The following SAMD5 variants were observed in gnomAD, a reference collection of about 807,000 sequenced individuals.
The protein encoded by SAMD5 is sterile alpha motif domain-containing protein 5.
Under a neutral mutation model 11.3 loss-of-function variants are expected in SAMD5, and 13 were observed. The observed-to-expected ratio is 1.15, with a 90% confidence interval of 0.75 to 1.83. The LOEUF (loss-of-function observed/expected upper bound fraction) is 1.83, where lower values mean the gene tolerates loss of function less well. Among genes scored for constraint, SAMD5 ranks in the 40% most tolerant of loss-of-function variants. The pLI, the probability that SAMD5 is intolerant of heterozygous loss-of-function variation, is 0.00. For missense variants in SAMD5, 255 were observed against 239.1 expected (o/e 1.07, Z -0.44); for synonymous variants, 129 against 111.3 (o/e 1.16, Z -1.00).
At chr6:147,911,624 G>C in the SAMD5 span, among the ~76,000 whole-genome samples, 3 of 151,824 alleles carry the variant, frequency 2.0e-5, no homozygotes. Context: ...GACCAAGATG[G>C]CCCTTTTGCA....
intron 1 of SAMD5, among the ~76,000 whole-genome samples, chr6:147,582,476 C>T (rs1182647394): frequency 6.6e-6 from 1 of 152,154 alleles, no homozygotes. Context: ...CCTCAAGTGA[C>T]TTTTATGTTT....
the SAMD5 span, among the ~76,000 whole-genome samples, chr6:147,944,203 A>C: frequency 5.9e-5 from 9 of 152,250 alleles, no homozygotes; most frequent in Middle Eastern, 6.8e-3. Context: ...AAACCCTTGC[A>C]TGTTTAATCC....
At chr6:147,625,988 T>C (rs1790045775) in intron 1 of SAMD5, among the ~76,000 whole-genome samples, 2 of 152,270 alleles carry the variant, frequency 1.3e-5, no homozygotes, top group Middle Eastern at 3.4e-3. Context: ...AGGGTAGCCA[T>C]GCAATGTAGT....
intron 1 of SAMD5, among the ~76,000 whole-genome samples, chr6:147,678,193 G>A (rs73010167): frequency 0.029 from 4,360 of 152,238 alleles, 96 homozygotes; most frequent in Middle Eastern, 0.075. Context: ...TAAAGCACAC[G>A]TACTCACTTA....
intron 1 of SAMD5, among the ~76,000 whole-genome samples, chr6:147,517,014 C>T (rs1303569547): frequency 6.6e-6 from 1 of 152,178 alleles, no homozygotes. Context: ...TCTTGATTTG[C>T]CCCATGTCAC....
At chr6:147,651,244 A>G (rs1405943695) in intron 1 of SAMD5, among the ~76,000 whole-genome samples, 1 of 152,224 alleles carries the variant, frequency 6.6e-6, no homozygotes, top group African/African-American at 2.4e-5. Flanking sequence ...ATAGCAAACG[A>G]TTACGGTCCA....
intron 1 of SAMD5, among the ~76,000 whole-genome samples, chr6:147,583,496 A>G (rs1489851141): frequency 2.0e-5 from 3 of 151,940 alleles, no homozygotes; most frequent in Non-Finnish European, 4.4e-5. Context: ...AATTGTTTTG[A>G]GAGAGAAAGT....
At chr6:147,810,705 G>A in the SAMD5 span, among the ~76,000 whole-genome samples, 1 of 152,120 alleles carries the variant, frequency 6.6e-6, no homozygotes, top group South Asian at 2.1e-4. Flanking sequence ...TGGCAACAGG[G>A]CCAGGCACTG....
At chr6:147,632,627 A>AT (rs1790168222) in intron 1 of SAMD5, among the ~76,000 whole-genome samples, 1 of 152,218 alleles carries the variant, frequency 6.6e-6, no homozygotes, top group South Asian at 2.1e-4. Flanking sequence ...AGTTTTTTGG[A>AT]TAAAAAGGCC....
At chr6:147,869,402 A>C in the SAMD5 span, among the ~76,000 whole-genome samples, 1 of 152,180 alleles carries the variant, frequency 6.6e-6, no homozygotes, top group Non-Finnish European at 1.5e-5. Flanking sequence ...CAAAGCAGTT[A>C]TGCTGGGTCA....
At chr6:147,530,275 G>T (rs750678965) in intron 1 of SAMD5, among the ~76,000 whole-genome samples, 1 of 152,230 alleles carries the variant, frequency 6.6e-6, no homozygotes, top group Non-Finnish European at 1.5e-5. Flanking sequence ...TACTGGAGGA[G>T]AAATTATTTT....
chr6:147,524,739 A>G (rs1788310495), intron 1 of SAMD5, among the ~76,000 whole-genome samples: 1 of 152,110 alleles, frequency 6.6e-6, no homozygotes, highest in South Asian at 2.1e-4. Context: ...GAGAAGCTTC[A>G]TGCTGTTGGT....
the SAMD5 span, among the ~76,000 whole-genome samples, chr6:147,843,720 G>T: frequency 6.6e-6 from 1 of 152,168 alleles, no homozygotes; most frequent in South Asian, 2.1e-4. Flanking sequence ...TTTTTACAAA[G>T]GTGCCAAGAA....
chr6:147,656,898 A>ATGTGTGTGTGTGTG (rs1562344633), intron 1 of SAMD5, among the ~76,000 whole-genome samples: 1 of 51,346 alleles, frequency 1.9e-5, no homozygotes, highest in Non-Finnish European at 3.8e-5. Flanking sequence ...AATACAGTAT[A>ATGTGTGTGTGTGTG]CGTGTGTGTG....
chr6:147,542,434 G>A (rs1489273706), intron 1 of SAMD5, among the ~76,000 whole-genome samples: 2 of 152,318 alleles, frequency 1.3e-5, no homozygotes, highest in East Asian at 1.9e-4. Context: ...ACACAGAGCC[G>A]TCTGTGTGGG....
chr6:147,766,398 A>G, the SAMD5 span, among the ~76,000 whole-genome samples: 1 of 152,198 alleles, frequency 6.6e-6, no homozygotes, highest in South Asian at 2.1e-4. Context: ...ACATCACAAC[A>G]TTTCAAAACA....
At chr6:147,515,551 C>T (rs756369769) in intron 1 of SAMD5, among the ~76,000 whole-genome samples, 5 of 151,746 alleles carry the variant, frequency 3.3e-5, no homozygotes, top group Non-Finnish European at 7.4e-5. Flanking sequence ...CTTCCCTTTA[C>T]CCATCCATCT....
chr6:147,877,682 T>C, the SAMD5 span, among the ~76,000 whole-genome samples: 9 of 151,954 alleles, frequency 5.9e-5, no homozygotes, highest in Admixed American at 5.3e-4. Flanking sequence ...CTTTATCCAA[T>C]CAGTTGAAGG....
intron 1 of SAMD5, among the ~76,000 whole-genome samples, chr6:147,727,787 A>G (rs1156396030): frequency 6.6e-6 from 1 of 152,192 alleles, no homozygotes; most frequent in African/African-American, 2.4e-5. Flanking sequence ...TGGGTGCCTA[A>G]AAGCATCAGA....
Sources: gnomAD v4.1 joint callset for allele counts (sites outside exome capture counted in the v4.1 genomes callset) on GRCh38, gnomAD v4.1.1 for gene constraint, MANE v1.5 for transcripts, NCBI Gene and HGNC (gene_info 2026-07-23, HGNC 2026-07-21) for gene names.